The following PXDNL variants were observed in gnomAD, a reference collection of about 807,000 sequenced individuals.
The protein encoded by PXDNL is peroxidasin like.
Under a neutral mutation model 150.8 loss-of-function variants are expected in PXDNL, and 145 were observed. The observed-to-expected ratio is 0.96, with a 90% CI of 0.84 to 1.10. The LOEUF is 1.10. Ranked by LOEUF, PXDNL falls within the 50% of genes least tolerant of loss-of-function variation. The pLI is 0.00. For missense variants in PXDNL, 2,087 were observed against 1,873.9 expected (o/e 1.11, Z -2.10); for synonymous variants, 757 against 725.7 (o/e 1.04, Z -0.69).
intron 4 of PXDNL, among the ~76,000 whole-genome samples, chr8:51,532,996 A>G (rs1211686477): frequency 7.1e-6 from 1 of 141,444 alleles, no homozygotes; most frequent in Non-Finnish European, 1.5e-5. Flanking sequence ...AAAAAGGAAA[A>G]GAAAAAAAAG....
At chr8:51,426,423 G>A (rs1809100205) in intron 13 of PXDNL, among the ~76,000 whole-genome samples, 1 of 150,880 alleles carries the variant, frequency 6.6e-6, no homozygotes, top group South Asian at 2.1e-4. Context: ...AGGCAAATTA[G>A]AAAGGATAAA....
chr8:51,602,264 G>A (rs572217729), intron 2 of PXDNL, among the ~76,000 whole-genome samples: 1 of 151,990 alleles, frequency 6.6e-6, no homozygotes, highest in South Asian at 2.1e-4. Flanking sequence ...ATTATTCCAA[G>A]TACATTTTCC....
rs371093134 is a variant in PXDNL at position 51,413,227 on chromosome 8, A to T, written c.1827T>A (p.Phe609Leu). ...AIQGRQAGDD[F>L]VESSILDAVQ... ...CAGCATCAAGAATGGAAGATTCAAC[A>T]AAGTCATCGCCAGCTTGTCTACCCT... is the stretch of plus-strand genomic sequence containing the variant. The change falls in exon 15 of 23, where the codon TTT becomes TTA. Residue 609 changes from phenylalanine to leucine, a missense_variant. Physicochemically the swap from Phe to Leu is conservative, Grantham distance 22. Coordinates refer to ENST00000356297, the MANE Select transcript of PXDNL (RefSeq NM_144651.5). 3 of 1,612,218 alleles carry T rather than the reference A, an allele frequency of 1.9e-6. No homozygotes were observed. The African/African-American group carries it at 4.0e-5, about 22-fold the overall frequency.
chr8:51,540,348 A>C (rs1812188831), intron 4 of PXDNL, among the ~76,000 whole-genome samples: 1 of 152,148 alleles, frequency 6.6e-6, no homozygotes, highest in Non-Finnish European at 1.5e-5. Flanking sequence ...TTAATTCCAA[A>C]TATCACCATT....
At chr8:51,561,624 A>G (rs1413482780) in intron 3 of PXDNL, among the ~76,000 whole-genome samples, 12 of 151,970 alleles carry the variant, frequency 7.9e-5, no homozygotes, top group Admixed American at 7.9e-4. Flanking sequence ...ACCGGTCACA[A>G]GAAGACAAAT....
At chr8:51,366,394 G>T (rs1391057073) in intron 19 of PXDNL, among the ~76,000 whole-genome samples, 1 of 152,162 alleles carries the variant, frequency 6.6e-6, no homozygotes, top group Non-Finnish European at 1.5e-5. Context: ...CTCTTTTTCT[G>T]TCCATAAATC....
At chr8:51,519,749 G>A (rs551500218) in intron 4 of PXDNL, among the ~76,000 whole-genome samples, 1 of 152,334 alleles carries the variant, frequency 6.6e-6, no homozygotes, top group African/African-American at 2.4e-5. Flanking sequence ...ATTCTCTCAA[G>A]GGGTAAACAA....
At chr8:51,754,589 C>T (rs545377238) in intron 1 of PXDNL, among the ~76,000 whole-genome samples, 12 of 152,222 alleles carry the variant, frequency 7.9e-5, no homozygotes, top group South Asian at 2.1e-4. Flanking sequence ...CTGCAAGCTC[C>T]GCCTCCTGGG....
intron 2 of PXDNL, among the ~76,000 whole-genome samples, chr8:51,628,253 G>T (rs1563488105): frequency 2.0e-5 from 3 of 152,062 alleles, no homozygotes; most frequent in Non-Finnish European, 2.9e-5. Flanking sequence ...AGACAGAGTT[G>T]TAAATGGTCT....
At chr8:51,540,604 T>G (rs1032246204) in intron 4 of PXDNL, among the ~76,000 whole-genome samples, 3 of 152,306 alleles carry the variant, frequency 2.0e-5, no homozygotes, top group South Asian at 2.1e-4. Context: ...CCTTTAAAAT[T>G]TATTGAGCTT....
intron 17 of PXDNL, among the ~76,000 whole-genome samples, chr8:51,380,127 TAA>T (rs60696948): frequency 0.7 from 104,814 of 149,598 alleles, 39,598 homozygotes; most frequent in East Asian, 0.94. Context: ...GCTGACGAGC[TAA>T]AAAAAAAAAA....
chr8:51,500,012 C>A (rs1318190820), intron 4 of PXDNL, among the ~76,000 whole-genome samples: 1 of 152,116 alleles, frequency 6.6e-6, no homozygotes. Context: ...CATGATGCTG[C>A]CCCCTTTTCC....
chr8:51,473,583 A>G (rs944698129), intron 7 of PXDNL, among the ~76,000 whole-genome samples: 1 of 152,130 alleles, frequency 6.6e-6, no homozygotes, highest in Admixed American at 6.6e-5. Flanking sequence ...TGAGTTGGCT[A>G]CAACACTGAG....
At chr8:51,432,608 C>T (rs947106540) in intron 12 of PXDNL, among the ~76,000 whole-genome samples, 3 of 152,164 alleles carry the variant, frequency 2.0e-5, no homozygotes, top group African/African-American at 7.2e-5. Context: ...TTAACTTATA[C>T]TTTCTTGTCA....
intron 7 of PXDNL, among the ~76,000 whole-genome samples, chr8:51,473,685 T>C (rs543746662): frequency 5.0e-4 from 75 of 150,640 alleles, no homozygotes; most frequent in African/African-American, 1.8e-3. Flanking sequence ...ATGGCACATG[T>C]ATACATATGT....
intron 1 of PXDNL, among the ~76,000 whole-genome samples, chr8:51,780,088 G>C (rs903425227): frequency 6.6e-6 from 1 of 152,258 alleles, no homozygotes; most frequent in African/African-American, 2.4e-5. Flanking sequence ...GCAGGTGTCT[G>C]TAATCCCAAA....
rs1490773738 is a variant in PXDNL, at chr8:51,409,090, A to C, written c.2534T>G (p.Met845Arg). The C allele has an allele frequency of 6.8e-6, 11 of 1,609,452 alleles. No individual in the cohort carries two copies. Among genetic ancestry groups the C allele is most frequent in the Non-Finnish European group, 8.5e-6 (10 of 1,179,446 alleles). Residue 845 changes from methionine to arginine, a missense_variant, in exon 17 of 23, where the codon ATG becomes AGG. Transcript: ENST00000356297. Reference protein sequence around the residue: ...VCTNDPPCFPMNTRHADPRGT... With the variant: ...VCTNDPPCFPRNTRHADPRGT... ...CCGGGGGTCGGCGTGCCGGGTGTTC[A>C]TGGGGAAACAAGGAGGGTCGTTGGT...
chr8:51,374,808 C>T lies in PXDNL; in HGVS notation c.3558-77G>A, dbSNP rs951339902. On this transcript the variant is annotated intron_variant, in intron 17 of 22. Transcript: ENST00000356297. Reference sequence around the variant, plus strand: ...AAAATATTCCTTATGTGAATGACCACCAAGCATTATTTTATCCACACAAAA... The same window carrying T: ...AAAATATTCCTTATGTGAATGACCATCAAGCATTATTTTATCCACACAAAA... 20 of 1,487,634 alleles carry T rather than the reference C, an allele frequency of 1.3e-5. No homozygotes were observed. The South Asian group carries it at 2.5e-4, about 18-fold the overall frequency. 92.2% of individuals were successfully genotyped at this position (1,487,634 alleles called of 1,614,324 possible).
intron 7 of PXDNL, among the ~76,000 whole-genome samples, chr8:51,474,526 T>C (rs1252538385): frequency 2.6e-5 from 4 of 152,226 alleles, no homozygotes; most frequent in Non-Finnish European, 5.9e-5. Context: ...GGTCCCATTA[T>C]ACATTTAAAA....
Sources: gnomAD v4.1 joint callset for allele counts (sites outside exome capture counted in the v4.1 genomes callset) on GRCh38, gnomAD v4.1.1 for gene constraint, MANE v1.5 for transcripts, NCBI Gene and HGNC (gene_info 2026-07-23, HGNC 2026-07-21) for gene names.